The following TNR variants were observed in gnomAD, a reference collection of about 807,000 sequenced individuals.
The protein encoded by TNR is tenascin R, also known as tenascin-R.
Under a neutral mutation model 150.4 loss-of-function variants are expected in TNR, and 45 were observed. The ratio of observed to expected loss-of-function variants is 0.30; its 90% CI spans 0.24 to 0.38. The LOEUF is 0.38. TNR is among the 10% of genes least tolerant of loss of function. The pLI is 1.00. For synonymous variants in TNR, 687 were observed against 678.4 expected, an observed-to-expected ratio of 1.01 and a Z score of -0.20; for missense variants, 1,544 against 1,759.1, an observed-to-expected ratio of 0.88 and a Z score of 2.19.
intron 1 of TNR, among the ~76,000 whole-genome samples, chr1:175,662,150 TA>T (rs1665396404): frequency 6.6e-6 from 1 of 152,184 alleles, no homozygotes; most frequent in East Asian, 1.9e-4. Flanking sequence ...TTGCGAATAG[TA>T]GTTGTCAGAA....
chr1:175,593,283 C>A (rs898091094), intron 1 of TNR, among the ~76,000 whole-genome samples: 1 of 152,136 alleles, frequency 6.6e-6, no homozygotes, highest in African/African-American at 2.4e-5. Flanking sequence ...TCAAGCCAGT[C>A]CTACACCCTC....
Position 175,658,883 on chromosome 1 carries a change from C to T in TNR, c.-165+84343G>A, listed in dbSNP as rs181903793. Among the ~76,000 whole-genome samples, 7 of 152,354 alleles carry T rather than the reference C, an allele frequency of 4.6e-5. No individual in the cohort carries two copies. The East Asian group carries it at 1.2e-3, about 25-fold the overall frequency. ...AGGGAAGAAAACCAAGTCTAAAGCA[C>T]TGACTATGCACAAGCTGCTGTGCTT... On this transcript the variant is annotated intron_variant, in intron 1 of 22. Coordinates refer to ENST00000367674, the MANE Select transcript of TNR (RefSeq NM_003285.3).
At chr1:175,613,383 C>T (rs373454649) in intron 1 of TNR, among the ~76,000 whole-genome samples, 8 of 152,124 alleles carry the variant, frequency 5.3e-5, no homozygotes, top group African/African-American at 1.9e-4. Context: ...TTAAATTGGC[C>T]ATGTTGGGAG....
At chr1:175,358,112 C>T (rs977149093) in intron 15 of TNR, among the ~76,000 whole-genome samples, 2 of 152,086 alleles carry the variant, frequency 1.3e-5, no homozygotes, top group African/African-American at 4.8e-5. Context: ...CTTGAGAAAG[C>T]ATGGTGATAA....
intron 1 of TNR, among the ~76,000 whole-genome samples, chr1:175,669,478 C>T (rs1665629672): frequency 2.0e-5 from 3 of 152,170 alleles, no homozygotes; most frequent in South Asian, 2.1e-4. Flanking sequence ...CTCCACAGAG[C>T]GCCATTGCAC....
intron 9 of TNR, among the ~76,000 whole-genome samples, chr1:175,371,438 G>A (rs918034102): frequency 6.6e-6 from 1 of 152,174 alleles, no homozygotes; most frequent in Non-Finnish European, 1.5e-5. Context: ...GACACAAGGT[G>A]GTGTGAGCTG....
intron 1 of TNR, among the ~76,000 whole-genome samples, chr1:175,684,030 G>A (rs1363275331): frequency 1.3e-5 from 2 of 152,168 alleles, no homozygotes; most frequent in Admixed American, 6.5e-5. Flanking sequence ...GGAACCCAGA[G>A]GTGCAGACTT....
intron 4 of TNR, among the ~76,000 whole-genome samples, chr1:175,397,395 T>A (rs1466367213): frequency 2.0e-5 from 3 of 152,182 alleles, no homozygotes; most frequent in African/African-American, 7.2e-5. Context: ...GCTTTTAAAT[T>A]TTTTTCCTTT....
intron 15 of TNR, among the ~76,000 whole-genome samples, chr1:175,359,060 C>A (rs927308873): frequency 6.9e-6 from 1 of 145,650 alleles, no homozygotes; most frequent in Non-Finnish European, 1.5e-5. Flanking sequence ...CCCTTGGTTA[C>A]ATGCCTTTCT....
Position 175,316,684 on chromosome 1 carries a change from T to C in TNR, c.*6673A>G, listed in dbSNP as rs1054516301. The C allele has an allele frequency of 1.3e-5, 2 of 151,404 alleles. No individual in the cohort carries two copies. The highest frequency in any genetic ancestry group is 4.9e-5 in the African/African-American group (2 of 41,190). 9.4% of individuals were successfully genotyped at this position (151,404 alleles called of 1,614,324 possible). A position where few individuals can be genotyped will look rare whatever the true frequency, so the allele number is the denominator to read the frequency against. On this transcript the variant is annotated 3_prime_UTR_variant, in exon 23 of 23. Coordinates refer to ENST00000367674, the MANE Select transcript of TNR (RefSeq NM_003285.3). ...TAATGTTGGGATGTTCCCAAAAGAG[T>C]GGGGTGGGGGGTATTGGGTTTATGT...
intron 15 of TNR, among the ~76,000 whole-genome samples, chr1:175,358,061 G>A (rs1230605649): frequency 6.6e-6 from 1 of 152,174 alleles, no homozygotes; most frequent in Non-Finnish European, 1.5e-5. Flanking sequence ...AAATGGGGGA[G>A]TTTCCTGGTG....
intron 4 of TNR, among the ~76,000 whole-genome samples, chr1:175,397,412 C>G (rs1653485748): frequency 6.6e-6 from 1 of 152,100 alleles, no homozygotes; most frequent in Admixed American, 6.5e-5. Context: ...CTTTAGGGAG[C>G]CAGGTTGTTA....
chr1:175,349,889 A>C (rs534888863), intron 18 of TNR, among the ~76,000 whole-genome samples: 2 of 152,346 alleles, frequency 1.3e-5, no homozygotes, highest in South Asian at 4.1e-4. Flanking sequence ...TGTTTGTCTT[A>C]TAATAAAGCA....
At chr1:175,344,842 C>T (rs1262312477) in intron 18 of TNR, among the ~76,000 whole-genome samples, 2 of 152,028 alleles carry the variant, frequency 1.3e-5, no homozygotes, top group Non-Finnish European at 2.9e-5. Flanking sequence ...GAACATTGCG[C>T]AACTCATTCA....
At chr1:175,525,640 C>T (rs1315526817) in intron 2 of TNR, among the ~76,000 whole-genome samples, 1 of 152,226 alleles carries the variant, frequency 6.6e-6, no homozygotes, top group Non-Finnish European at 1.5e-5. Context: ...GCCCCGGGTG[C>T]CCTCCTTCAC....
intron 21 of TNR, among the ~76,000 whole-genome samples, chr1:175,328,356 C>G (rs1014508452): frequency 4.6e-5 from 7 of 152,126 alleles, no homozygotes; most frequent in Non-Finnish European, 8.8e-5. Context: ...TGTTTGCAGC[C>G]TTGGGAAATG....
chr1:175,544,005 C>T (rs1392669264), intron 1 of TNR, among the ~76,000 whole-genome samples: 1 of 152,054 alleles, frequency 6.6e-6, no homozygotes, highest in East Asian at 1.9e-4. Context: ...AATAAGAAGT[C>T]CCAAACAGCC....
At chr1:175,430,925 T>C (rs1233339816) in intron 2 of TNR, among the ~76,000 whole-genome samples, 1 of 152,244 alleles carries the variant, frequency 6.6e-6, no homozygotes, top group East Asian at 1.9e-4. Context: ...AGGAAAATTT[T>C]GTTTTAACTA....
At chr1:175,346,900 AAAG>A (rs1650816044) in intron 18 of TNR, among the ~76,000 whole-genome samples, 1 of 151,628 alleles carries the variant, frequency 6.6e-6, no homozygotes, top group African/African-American at 2.4e-5. Context: ...AAAAAAAAAA[AAAG>A]AAGCAAAAAA....
Sources: gnomAD v4.1 joint callset for allele counts (sites outside exome capture counted in the v4.1 genomes callset) on GRCh38, gnomAD v4.1.1 for gene constraint, MANE v1.5 for transcripts, NCBI Gene and HGNC (gene_info 2026-07-23, HGNC 2026-07-21) for gene names.